Variants in MAP7 observed in about 807,000 individuals in gnomAD.
MAP7 encodes the protein ensconsin.
A neutral mutation model predicts 94.8 loss-of-function variants in MAP7; 52 were observed. The observed-to-expected ratio is 0.55, with a 90% CI of 0.44 to 0.69. The LOEUF is 0.69. MAP7 is among the 30% of genes least tolerant of loss of function. The pLI is 0.00. For synonymous variants in MAP7, 350 were observed against 357.0 expected, an observed-to-expected ratio of 0.98 and a Z score of 0.22; for missense variants, 940 against 964.6, an observed-to-expected ratio of 0.97 and a Z score of 0.34.
At chr6:136,371,604 G>C (rs2128603463) in intron 8 of MAP7, among the ~76,000 whole-genome samples, 1 of 152,316 alleles carries the variant, frequency 6.6e-6, no homozygotes, top group African/African-American at 2.4e-5. Context: ...AATCTGAATT[G>C]CTCTGGGAAG....
chr6:136,519,356 G>T (rs1322342949), intron 1 of MAP7, among the ~76,000 whole-genome samples: 89 of 152,142 alleles, frequency 5.8e-4, no homozygotes, highest in African/African-American at 7.2e-5. Context: ...AAAACCTTTT[G>T]CCTAGCCCTA....
At chr6:136,394,703 A>C (rs1173538618) in intron 3 of MAP7, among the ~76,000 whole-genome samples, 2 of 151,292 alleles carry the variant, frequency 1.3e-5, no homozygotes, top group African/African-American at 2.4e-5. Flanking sequence ...AACCATTAAC[A>C]AACCTCTTTA....
intron 3 of MAP7, among the ~76,000 whole-genome samples, chr6:136,390,384 G>A (rs1780363107): frequency 6.6e-6 from 1 of 152,162 alleles, no homozygotes; most frequent in Admixed American, 6.5e-5. Flanking sequence ...CAGGTGCAGT[G>A]GCTCATGCCT....
In MAP7 at chr6:136,421,716, A is replaced by G; in HGVS notation, c.151T>C (p.Ser51Pro). ...SAISGQNNNH[S>P]GNKPDPPPVL... ...TGCATCATACCTGGTTTATTTCCTG[A>G]GTGGTTGTTATTTTGTCCTGAAATT... The change falls in exon 2 of 18, where the codon TCA becomes CCA. Residue 51 changes from serine (S) to proline (P), a missense_variant. Ser to Pro is a moderately conservative substitution (Grantham distance 74). Coordinates refer to ENST00000354570, the MANE Select transcript of MAP7 (RefSeq NM_003980.6). 6.2e-7 allele frequency: 1 copy of G among 1,613,842 alleles called. No homozygotes were observed. Among genetic ancestry groups the G allele is most frequent in the Non-Finnish European group, 8.5e-7 (1 of 1,179,868 alleles).
chr6:136,486,694 T>C (rs969214594), intron 1 of MAP7, among the ~76,000 whole-genome samples: 21 of 152,170 alleles, frequency 1.4e-4, no homozygotes, highest in African/African-American at 3.4e-4. Context: ...TTAGGGTTCA[T>C]TGGGTCTTGT....
chr6:136,343,381 AC>A lies in MAP7; in HGVS notation c.*846del, dbSNP rs1786927686. Reference sequence around the variant, plus strand: ...GATCAGGTAAGGCAAAGATAAGTCCACCATCACTGGGGACAGCAGCAACATA... The same window carrying A: ...GATCAGGTAAGGCAAAGATAAGTCCACATCACTGGGGACAGCAGCAACATA... On this transcript the variant is annotated 3_prime_UTR_variant, in exon 18 of 18. Coordinates refer to ENST00000354570, the MANE Select transcript of MAP7 (RefSeq NM_003980.6). 1 of 152,658 alleles carries A rather than the reference AC, an allele frequency of 6.6e-6. No homozygotes were observed. The highest frequency in any genetic ancestry group is 2.4e-5 in the African/African-American group (1 of 41,470). 9.5% of individuals were successfully genotyped at this position (152,658 alleles called of 1,614,324 possible).
intron 1 of MAP7, among the ~76,000 whole-genome samples, chr6:136,467,432 T>C (rs1344089324): frequency 2.0e-5 from 3 of 152,200 alleles, no homozygotes; most frequent in Non-Finnish European, 4.4e-5. Flanking sequence ...GACATTTAGG[T>C]GCCCTGTTCA....
chr6:136,462,191 G>T (rs369298124), intron 1 of MAP7, among the ~76,000 whole-genome samples: 3 of 150,838 alleles, frequency 2.0e-5, no homozygotes, highest in African/African-American at 4.9e-5. Context: ...AAAAAAGATG[G>T]TATACCAGTG....
chr6:136,430,812 C>T (rs932150465), intron 1 of MAP7, among the ~76,000 whole-genome samples: 2 of 152,264 alleles, frequency 1.3e-5, no homozygotes, highest in South Asian at 2.1e-4. Context: ...CAACTGTTTA[C>T]GTCTCATCTC....
At chr6:136,405,350 G>A (rs1356215853) in intron 3 of MAP7, among the ~76,000 whole-genome samples, 1 of 152,216 alleles carries the variant, frequency 6.6e-6, no homozygotes, top group Non-Finnish European at 1.5e-5. Flanking sequence ...TGGTTTGAGG[G>A]AGCTGAAAAT....
At chr6:136,414,833 C>T (rs1735799255) in intron 2 of MAP7, among the ~76,000 whole-genome samples, 1 of 137,372 alleles carries the variant, frequency 7.3e-6, no homozygotes. Context: ...TTTTTTGAGA[C>T]AGAGTTTCCT....
chr6:136,423,369 C>G (rs1206325297), intron 1 of MAP7, among the ~76,000 whole-genome samples: 1 of 152,170 alleles, frequency 6.6e-6, no homozygotes, highest in African/African-American at 2.4e-5. Context: ...CATTGCCTGG[C>G]CCACAGCAAG....
At chr6:136,349,004 G>A (rs1054010139) in intron 16 of MAP7, among the ~76,000 whole-genome samples, 2 of 152,156 alleles carry the variant, frequency 1.3e-5, no homozygotes, top group Admixed American at 6.6e-5. Flanking sequence ...TCAGCTAGGG[G>A]TAGAAGAACA....
intron 1 of MAP7, among the ~76,000 whole-genome samples, chr6:136,517,564 C>T (rs1658300208): frequency 6.6e-6 from 1 of 152,188 alleles, no homozygotes; most frequent in South Asian, 2.1e-4. Flanking sequence ...CTAATACCCG[C>T]CAGCACCTGT....
At chr6:136,362,386 A>C (rs1232513564) in intron 11 of MAP7, 64 bp downstream of exon 11, 1 of 1,575,976 alleles carries the variant, frequency 6.3e-7, no homozygotes, top group Non-Finnish European at 8.6e-7. Context: ...TCCCTCTCAG[A>C]GGGGTGATGA....
chr6:136,541,291 T>G (rs536624928), intron 1 of MAP7, among the ~76,000 whole-genome samples: 11 of 152,212 alleles, frequency 7.2e-5, no homozygotes, highest in Non-Finnish European at 8.8e-5. Context: ...GAAGGGCTCC[T>G]TTCTAGAACT....
At chr6:136,499,071 C>G (rs972237359) in intron 1 of MAP7, among the ~76,000 whole-genome samples, 2 of 152,022 alleles carry the variant, frequency 1.3e-5, no homozygotes, top group Non-Finnish European at 2.9e-5. Context: ...AAGTACGCAC[C>G]ACTACGCCCT....
intron 16 of MAP7, among the ~76,000 whole-genome samples, chr6:136,347,183 T>C (rs568735901): frequency 6.6e-6 from 1 of 152,346 alleles, no homozygotes; most frequent in Admixed American, 6.5e-5. Flanking sequence ...AAACTAATTT[T>C]ACCATTCATT....
intron 1 of MAP7, among the ~76,000 whole-genome samples, chr6:136,547,416 C>T (rs146922642): frequency 6.6e-6 from 1 of 152,274 alleles, no homozygotes; most frequent in Non-Finnish European, 1.5e-5. Flanking sequence ...TGTACACTCG[C>T]TTTCCACAGC....
Sources: allele counts gnomAD v4.1 joint callset (sites outside exome capture counted in the v4.1 genomes callset), GRCh38; gene constraint gnomAD v4.1.1; transcripts MANE v1.5; gene names NCBI Gene and HGNC (gene_info 2026-07-23, HGNC 2026-07-21).